The following NPC1 variants were observed in gnomAD, a reference collection of about 807,000 sequenced individuals.
NPC1 encodes NPC intracellular cholesterol transporter 1, also known as Niemann-Pick C1 protein.
A neutral mutation model predicts 140.4 loss-of-function variants in NPC1; 85 were observed. The observed-to-expected ratio is 0.61, with a 90% CI of 0.51 to 0.72. NPC1 has a LOEUF of 0.72. NPC1 is among the 30% of genes least tolerant of loss of function. The pLI is 0.00. For synonymous variants in NPC1, 656 were observed against 624.8 expected (o/e 1.05, Z -0.74); for missense variants, 1,504 against 1,623.8 (o/e 0.93, Z 1.27).
chr18:23,558,967 G>A lies in NPC1; in HGVS notation c.881+1264C>T, dbSNP rs140524722. The stretch of plus-strand genomic sequence containing the variant: ...AATTCCCACCTATGAGTGAGAACAT[G>A]CGGTGTTTGGTTTTTTGTCCTTGCG... On this transcript the variant is annotated intron_variant, in intron 6 of 24. Coordinates refer to ENST00000269228, the MANE Select transcript of NPC1 (RefSeq NM_000271.5). Among the ~76,000 whole-genome samples, 9 of 152,140 alleles carry A rather than the reference G, an allele frequency of 5.9e-5. No individual in the cohort carries two copies. In the East Asian group the frequency reaches 7.7e-4, roughly 13 times the overall value.
intron 1 of NPC1, 111 bp from the exon 2 acceptor site, chr18:23,573,685 T>C (rs529880417): frequency 7.9e-7 from 1 of 1,270,910 alleles, no homozygotes; most frequent in East Asian, 2.3e-5. Flanking sequence ...ACCTGCAAAA[T>C]TAAGTAACAG....
intron 3 of NPC1, chr18:23,516,314 A>T (rs1172400702): frequency 6.2e-6 from 10 of 1,614,110 alleles, no homozygotes; most frequent in Non-Finnish European, 8.5e-6. Context: ...TTTTCCCCCT[A>T]AACAGGCTGG....
intron 4 of NPC1, among the ~76,000 whole-genome samples, chr18:23,562,288 CAAAAAAACAAAAA>C (rs749378479): frequency 1.3e-4 from 13 of 102,824 alleles, no homozygotes; most frequent in East Asian, 7.7e-4. Flanking sequence ...GACTCCATCA[CAAAAAAACAAAAA>C]AAAAAAACAA....
Position 23,531,801 on chromosome 18 carries a change from C to CA in NPC1, c.*400dup. ...TATAAAATGTTATAAAGTGTATCTA[C>CA]AACCTCAACTGTCACTAAAAATATG... On this transcript the variant is annotated 3_prime_UTR_variant, in exon 25 of 25. Coordinates refer to ENST00000269228, the MANE Select transcript of NPC1 (RefSeq NM_000271.5). The CA allele has an allele frequency of 6.5e-7, 1 of 1,528,376 alleles. No homozygotes were observed. The highest frequency in any genetic ancestry group is 1.3e-5 in the South Asian group (1 of 77,660). 94.7% of individuals were successfully genotyped at this position (1,528,376 alleles called of 1,614,324 possible).
Position 23,534,510 on chromosome 18 carries a change from G to A in NPC1, c.3527C>T (p.Thr1176Met), listed in dbSNP as rs558264503. 34 of 1,614,118 alleles carry A rather than the reference G, an allele frequency of 2.1e-5. No individual in the cohort carries two copies. In the East Asian group the frequency reaches 2.7e-4, roughly 13 times the overall value. The change falls in exon 23 of 25, where the codon ACG becomes ATG. Residue 1176 changes from threonine (T) to methionine (M), a missense_variant. Physicochemically the swap from Thr to Met is moderately conservative, Grantham distance 81. Coordinates refer to ENST00000269228, the MANE Select transcript of NPC1 (RefSeq NM_000271.5). ...CACGCGGCTGCCTTTCATGCTCACC[G>A]TGAACGCTCTGGTTATGTGGCTGCA... is the stretch of plus-strand genomic sequence containing the variant. The part of the protein sequence containing the change: ...EFCSHITRAF[T>M]VSMKGSRVER...
intron 18 of NPC1, 68 bp downstream of exon 18, chr18:23,539,743 C>A: frequency 6.6e-7 from 1 of 1,515,406 alleles, no homozygotes; most frequent in Non-Finnish European, 9.2e-7. Flanking sequence ...ACATTTCAGG[C>A]CTGAGCTGAC....
chr18:23,527,852 T>C, downstream of NPC1: 1 of 1,614,126 alleles, frequency 6.2e-7, no homozygotes, highest in Non-Finnish European at 8.5e-7. Flanking sequence ...TTTGATAAAC[T>C]CAACCATGAG....
downstream of NPC1, chr18:23,527,811 C>G: frequency 6.2e-7 from 1 of 1,614,008 alleles, no homozygotes; most frequent in Non-Finnish European, 8.5e-7. Flanking sequence ...GTGAGTCAGA[C>G]AGAGCATCGC....
chr18:23,517,573 T>G (rs2058042253), downstream of NPC1, among the ~76,000 whole-genome samples: 1 of 152,210 alleles, frequency 6.6e-6, no homozygotes, highest in South Asian at 2.1e-4. Flanking sequence ...GATTCGACAA[T>G]AGTCAAAATT....
chr18:23,585,017 C>A (rs1422212470), intron 1 of NPC1, among the ~76,000 whole-genome samples: 1 of 151,984 alleles, frequency 6.6e-6, no homozygotes, highest in South Asian at 2.1e-4. Flanking sequence ...ACTGCCCCCA[C>A]GCCTGGGCAA....
At chr18:23,543,403 T>C (rs2058739562) in intron 14 of NPC1, 52 bp downstream of exon 14, 1 of 1,046,594 alleles carries the variant, frequency 9.6e-7, no homozygotes, top group African/African-American at 1.6e-5. Context: ...CAGCTCCTTC[T>C]TTCTCCAGGC....
downstream of NPC1, among the ~76,000 whole-genome samples, chr18:23,517,920 G>A (rs182142926): frequency 2.2e-4 from 33 of 152,198 alleles, no homozygotes; most frequent in African/African-American, 7.0e-4. Flanking sequence ...GTTTCACCAT[G>A]TTGCCCAGGC....
chr18:23,576,380 C>T (rs1166998422), intron 1 of NPC1: 5 of 618,544 alleles, frequency 8.1e-6, no homozygotes, highest in African/African-American at 8.0e-5. Flanking sequence ...TGAGATAGCA[C>T]CTCTGCACTC....
At chr18:23,529,562 TTGGATAGAGAGTTATATGCAGCC>T, downstream of NPC1, 2 of 1,385,026 alleles carry the variant, frequency 1.4e-6, no homozygotes, top group Non-Finnish European at 2.0e-6. Context: ...AAGGTGGGGG[TTGGATAGAGAGTTATATGCAGCC>T]TCTTTTGCAC....
chr18:23,552,087 T>C (rs2058881069), intron 9 of NPC1, among the ~76,000 whole-genome samples: 1 of 152,068 alleles, frequency 6.6e-6, no homozygotes, highest in Non-Finnish European at 1.5e-5. Context: ...CAAAAGGGTG[T>C]CTCACACAAT....
At chr18:23,524,361 G>A (rs560591661), downstream of NPC1, 4 of 1,567,204 alleles carry the variant, frequency 2.6e-6, no homozygotes, top group East Asian at 6.7e-5. Flanking sequence ...AGGGGCGAGT[G>A]CTAGCGGAAA....
chr18:23,519,179 A>G (rs1433935916), downstream of NPC1: 1 of 1,611,322 alleles, frequency 6.2e-7, no homozygotes, highest in Admixed American at 1.7e-5. Flanking sequence ...ACAGAGGTAC[A>G]AGCTGTCTGC....
downstream of NPC1, among the ~76,000 whole-genome samples, chr18:23,530,954 C>T: frequency 6.6e-6 from 1 of 152,116 alleles, no homozygotes; most frequent in East Asian, 1.9e-4. Context: ...GGGTCTGGGG[C>T]TTATTAAGGT....
intron 4 of NPC1, among the ~76,000 whole-genome samples, chr18:23,562,180 T>C (rs960126201): frequency 2.0e-5 from 3 of 151,590 alleles, no homozygotes; most frequent in Non-Finnish European, 2.9e-5. Context: ...TCCCAGCTAC[T>C]CGGGAGGCTG....
Sources: gnomAD v4.1 joint callset for allele counts (sites outside exome capture counted in the v4.1 genomes callset) on GRCh38, gnomAD v4.1.1 for gene constraint, MANE v1.5 for transcripts, NCBI Gene and HGNC (gene_info 2026-07-23, HGNC 2026-07-21) for gene names.